Variants in MYCBP2 observed in about 807,000 individuals in gnomAD.
MYCBP2 encodes the protein MYC binding protein 2.
Under a neutral mutation model 525.3 loss-of-function variants are expected in MYCBP2, and 120 were observed. The observed-to-expected ratio is 0.23, with a 90% CI of 0.20 to 0.27. The LOEUF (loss-of-function observed/expected upper bound fraction) is 0.27, where lower values mean the gene tolerates loss of function less well. Among genes scored for constraint, MYCBP2 ranks in the 10% least tolerant of loss-of-function variants. MYCBP2 has a pLI of 1.00. For synonymous variants in MYCBP2, 1,894 were observed against 1,955.8 expected, an observed-to-expected ratio of 0.97 and a Z score of 0.83; for missense variants, 4,149 against 5,657.1, an observed-to-expected ratio of 0.73 and a Z score of 8.55.
chr13:77,216,865 T>C (rs1299990635), intron 21 of MYCBP2, among the ~76,000 whole-genome samples: 1 of 151,998 alleles, frequency 6.6e-6, no homozygotes, highest in Non-Finnish European at 1.5e-5. Context: ...AACTAAAGTA[T>C]GTAGGAGGTA....
At chr13:77,310,415 T>C (rs2080037101) in intron 1 of MYCBP2, among the ~76,000 whole-genome samples, 1 of 152,162 alleles carries the variant, frequency 6.6e-6, no homozygotes, top group African/African-American at 2.4e-5. Flanking sequence ...TCTTTGTAAA[T>C]AAAGTTATAT....
intron 1 of MYCBP2, among the ~76,000 whole-genome samples, chr13:77,322,003 A>C (rs896230625): frequency 6.6e-6 from 1 of 152,154 alleles, no homozygotes; most frequent in Non-Finnish European, 1.5e-5. Flanking sequence ...TCTACAAAAA[A>C]TAAAAAACAA....
chr13:77,147,603 G>A (rs181329947), intron 47 of MYCBP2, among the ~76,000 whole-genome samples: 3 of 152,116 alleles, frequency 2.0e-5, no homozygotes, highest in Admixed American at 1.3e-4. Context: ...AATTAGAAAT[G>A]ATCTAGCTGA....
rs60927409 is a variant in MYCBP2 at position 77,183,541 on chromosome 13, C to CTTTTTTTTTTTTTTTTTTTTTTTTTT, written c.4719+1536_4719+1561dup. Among the ~76,000 whole-genome samples, 4 of 66,076 alleles carry CTTTTTTTTTTTTTTTTTTTTTTTTTT rather than the reference C, an allele frequency of 6.1e-5. 1 individual carries two copies. Among genetic ancestry groups the CTTTTTTTTTTTTTTTTTTTTTTTTTT allele is most frequent in the African/African-American group, 1.4e-4 (2 of 14,112 alleles). 43.3% of individuals were successfully genotyped at this position (66,076 alleles called of 152,430 possible). A position where few individuals can be genotyped will look rare whatever the true frequency, so the allele number is the denominator to read the frequency against. ...TTGTTTATAGTGATAGTCCCTATTT[C>CTTTTTTTTTTTTTTTTTTTTTTTTTT]TTTTTTTTTTTTTTTTTTTTTTTTT... On this transcript the variant is annotated intron_variant, in intron 32 of 82. Transcript: ENST00000544440.
intron 65 of MYCBP2, 26 bp from the exon 66 acceptor site, chr13:77,078,915 AAT>A: frequency 6.4e-7 from 1 of 1,561,610 alleles, no homozygotes; most frequent in Non-Finnish European, 8.8e-7. Flanking sequence ...CACAATAGTT[AAT>A]ATGCTATATT....
chr13:77,289,696 A>G (rs1594696720), intron 2 of MYCBP2, among the ~76,000 whole-genome samples: 1 of 152,106 alleles, frequency 6.6e-6, no homozygotes, highest in Non-Finnish European at 1.5e-5. Context: ...TATCTAGTGC[A>G]AGGAAAATAT....
Position 77,090,118 on chromosome 13 carries a change from T to C in MYCBP2, c.10513A>G (p.Ser3505Gly). 6.2e-7 allele frequency: 1 copy of C among 1,610,922 alleles called. No homozygotes were observed. Among genetic ancestry groups the C allele is most frequent in the Non-Finnish European group, 8.5e-7 (1 of 1,178,406 alleles). ...TCCTCATACTTACCAGTGTCTCCAC[T>C]GTTAACTCTTCTTCTAGGAATAGCT... ...VKAIPRRRVNSGDTEVGSSLL... is the reference protein window; with the variant it reads ...VKAIPRRRVNGGDTEVGSSLL... The change falls in exon 60 of 83, where the codon AGT (serine) becomes GGT (glycine). Residue 3505 changes from serine (S) to glycine (G), a missense_variant. Ser to Gly is a moderately conservative substitution (Grantham distance 56). Transcript: ENST00000544440.
At chr13:77,299,180 T>G (rs1354229483) in intron 1 of MYCBP2, among the ~76,000 whole-genome samples, 2 of 152,122 alleles carry the variant, frequency 1.3e-5, no homozygotes, top group African/African-American at 4.8e-5. Context: ...AAATCCAAAT[T>G]CAGATAGATT....
At chr13:77,320,313 A>G (rs2081437539) in intron 1 of MYCBP2, among the ~76,000 whole-genome samples, 1 of 152,118 alleles carries the variant, frequency 6.6e-6, no homozygotes, top group Non-Finnish European at 1.5e-5. Flanking sequence ...AAGCCTAACC[A>G]CAGCACCTGC....
intron 1 of MYCBP2, 63 bp from the exon 2 acceptor site, chr13:77,296,737 T>C: frequency 8.5e-7 from 1 of 1,175,106 alleles, no homozygotes; most frequent in Non-Finnish European, 1.2e-6. Flanking sequence ...TACAAAGCTA[T>C]CAAAAATGGG....
At chr13:77,236,220 G>C (rs2067905768) in intron 17 of MYCBP2, among the ~76,000 whole-genome samples, 1 of 152,198 alleles carries the variant, frequency 6.6e-6, no homozygotes, top group East Asian at 1.9e-4. Flanking sequence ...TAAGAAGGCT[G>C]TATAAATAGA....
Position 77,097,481 on chromosome 13 carries a change from C to T in MYCBP2, c.9673G>A (p.Gly3225Arg). The change falls in exon 56 of 83, where the codon GGA becomes AGA. Residue 3225 changes from glycine to arginine, a missense_variant. Physicochemically the swap from Gly to Arg is moderately radical, Grantham distance 125. Around this residue, in one of 21 missense-constraint regions of MYCBP2, gnomAD observed 653 missense variants for 744.7 expected, o/e 0.88. Coordinates refer to ENST00000544440, the MANE Select transcript of MYCBP2 (RefSeq NM_015057.5). ...CCTACTGCCAGCTGGGCCATCTCTC[C>T]AAACAAATTACCCCTGGGCCTAACT... The part of the protein sequence containing the change: ...AEVRPRGNLF[G>R]EMAQLAVGGP... 6.2e-7 allele frequency: 1 copy of T among 1,613,366 alleles called. No homozygotes were observed. The highest frequency in any genetic ancestry group is 8.5e-7 in the Non-Finnish European group (1 of 1,179,722).
At chr13:77,109,870 T>A (rs2048492690) in intron 55 of MYCBP2, 1 of 152,216 alleles carries the variant, frequency 6.6e-6, no homozygotes. Context: ...ATTGTGAAGA[T>A]TTCATGGACA....
chr13:77,097,461 T>C lies in MYCBP2; in HGVS notation c.9693A>G (p.Ala3231=). The change falls in exon 56 of 83, where the codon GCA becomes GCG. Residue 3231 remains alanine (A), a synonymous_variant. Transcript: ENST00000544440. ...GNLFGEMAQL[A]VGGPEKDTIC... ...TGGTATCTTTCTCTGGTCCTCCTAC[T>C]GCCAGCTGGGCCATCTCTCCAAACA... 1.9e-6 allele frequency: 3 copies of C among 1,613,582 alleles called. No homozygotes were observed. The highest frequency in any genetic ancestry group is 2.5e-6 in the Non-Finnish European group (3 of 1,179,768).
intron 29 of MYCBP2, among the ~76,000 whole-genome samples, chr13:77,190,015 T>C (rs1595274036): frequency 6.6e-6 from 1 of 152,136 alleles, no homozygotes; most frequent in Non-Finnish European, 1.5e-5. Context: ...GTTATTGGTA[T>C]AATACAGATA....
intron 66 of MYCBP2, chr13:77,077,655 C>A: frequency 2.9e-6 from 1 of 346,732 alleles, no homozygotes; most frequent in Middle Eastern, 8.4e-4. Context: ...AAAATCCAGG[C>A]CTGACTACGA....
At chr13:77,212,273 A>G (rs940399642) in intron 21 of MYCBP2, 113 bp from the exon 22 acceptor site, 26 of 847,502 alleles carry the variant, frequency 3.1e-5, no homozygotes, top group South Asian at 1.6e-4. Context: ...TTTTTCACCA[A>G]TTGTTAGTTT....
chr13:77,155,698 C>A (rs2057129236), intron 46 of MYCBP2, among the ~76,000 whole-genome samples: 1 of 152,120 alleles, frequency 6.6e-6, no homozygotes, highest in Non-Finnish European at 1.5e-5. Context: ...GTACTTGAGT[C>A]TTTCAAAACT....
chr13:77,180,491 T>G (rs115690425), intron 33 of MYCBP2, among the ~76,000 whole-genome samples, 173 bp from the exon 34 acceptor site: 1 of 152,366 alleles, frequency 6.6e-6, no homozygotes, highest in South Asian at 2.1e-4. Context: ...AAGTTCTTTT[T>G]TGAATTATCT....
Sources: allele counts gnomAD v4.1 joint callset (sites outside exome capture counted in the v4.1 genomes callset), GRCh38; gene constraint gnomAD v4.1.1; regional missense constraint gnomAD v4.1.1; transcripts MANE v1.5; gene names NCBI Gene and HGNC (gene_info 2026-07-23, HGNC 2026-07-21).